The following UBE2Z variants were observed in gnomAD, a reference collection of about 807,000 sequenced individuals.
The protein encoded by UBE2Z is ubiquitin conjugating enzyme E2 Z.
In UBE2Z, 10 loss-of-function variants were observed where a neutral mutation model predicts 32.6. The observed-to-expected ratio is 0.31, with a 90% CI of 0.19 to 0.52. UBE2Z has a LOEUF of 0.52. UBE2Z is among the 20% of genes least tolerant of loss of function. The probability of loss-of-function intolerance (pLI) is 0.97; values close to 1 mark genes in which losing one functional copy is unlikely to be tolerated. For missense variants in UBE2Z, 343 were observed against 480.9 expected, an observed-to-expected ratio of 0.71 and a Z score of 2.68; for synonymous variants, 183 against 190.8, an observed-to-expected ratio of 0.96 and a Z score of 0.34.
chr17:48,911,396 A>G (rs1474650992), intron 2 of UBE2Z: 1 of 156,450 alleles, frequency 6.4e-6, no homozygotes, highest in Non-Finnish European at 1.4e-5. Context: ...CAAAGACTAT[A>G]CCTCTCTTGT....
Position 48,927,168 on chromosome 17 carries a change from A to G in UBE2Z, c.*34A>G. ...CCCATCTCCCCTTCCCCCACTCAAG[A>G]GTCCCAGCAGAATCCCTTCCCCCCA... On this transcript the variant is annotated 3_prime_UTR_variant, in exon 7 of 7. Coordinates refer to ENST00000360943, the MANE Select transcript of UBE2Z (RefSeq NM_023079.5). 6.2e-7 allele frequency: 1 copy of G among 1,607,640 alleles called. No individual in the cohort carries two copies.
At chr17:48,916,327 C>G in intron 4 of UBE2Z, 140 bp downstream of exon 4, 2 of 476,526 alleles carry the variant, frequency 4.2e-6, no homozygotes, top group East Asian at 7.7e-5. Flanking sequence ...GCAATCTCAG[C>G]TTACTGCAAC....
chr17:48,915,319 C>CT (rs2040710928), intron 3 of UBE2Z, among the ~76,000 whole-genome samples: 1 of 152,134 alleles, frequency 6.6e-6, no homozygotes, highest in Admixed American at 6.5e-5. Context: ...AGGCAGTCAA[C>CT]TTGAACAAGC....
At chr17:48,918,356 CAG>C (rs2040735149) in intron 4 of UBE2Z, among the ~76,000 whole-genome samples, 1 of 151,970 alleles carries the variant, frequency 6.6e-6, no homozygotes. Context: ...TTTTTTGAGA[CAG>C]AGTCTCACTC....
chr17:48,922,523 CT>C (rs1235878341), intron 5 of UBE2Z, among the ~76,000 whole-genome samples: 1 of 152,066 alleles, frequency 6.6e-6, no homozygotes, highest in African/African-American at 2.4e-5. Flanking sequence ...AGTCCTAGCA[CT>C]TTGGGAGGCC....
intron 2 of UBE2Z, 87 bp downstream of exon 2, chr17:48,910,967 C>T (rs894968807): frequency 3.8e-6 from 4 of 1,061,990 alleles, no homozygotes; most frequent in African/African-American, 1.6e-5. Flanking sequence ...TTCAGCTCAC[C>T]TCTCCGATTA....
At chr17:48,913,307 T>G (rs1467909087) in intron 3 of UBE2Z, among the ~76,000 whole-genome samples, 1 of 152,170 alleles carries the variant, frequency 6.6e-6, no homozygotes, top group East Asian at 1.9e-4. Context: ...ATCTTAGACC[T>G]ACAAAAGAAA....
chr17:48,915,760 G>C, intron 3 of UBE2Z: 1 of 269,544 alleles, frequency 3.7e-6, no homozygotes, highest in South Asian at 4.6e-5. Context: ...AGACAACTTT[G>C]GAGCTAATTG....
intron 1 of UBE2Z, among the ~76,000 whole-genome samples, chr17:48,909,390 C>T (rs955242454): frequency 2.0e-5 from 3 of 152,046 alleles, no homozygotes; most frequent in Non-Finnish European, 2.9e-5. Flanking sequence ...TCGCTTCCCT[C>T]GCCCCAATCT....
intron 4 of UBE2Z, among the ~76,000 whole-genome samples, chr17:48,918,105 T>G (rs562049464): frequency 6.7e-6 from 1 of 149,436 alleles, no homozygotes; most frequent in East Asian, 2.0e-4. Context: ...CCTGGCTAAT[T>G]TTTTGTATTT....
At position 48,910,870 on chromosome 17, in the gene UBE2Z, A is replaced by G; in HGVS notation, c.380A>G (p.Asp127Gly). The part of the protein sequence containing the change: ...PGMFVVPDTV[D>G]MTKIHALITG... ...ATGTTCGTTGTACCTGATACTGTTG[A>G]CATGACTAAGGTATGTAACTTGATG... Residue 127 changes from aspartate (D) to glycine (G), a missense_variant, in exon 2 of 7, where the codon GAC (aspartate) becomes GGC (glycine). This residue lies in a region of UBE2Z where 182 missense variants were observed against 312.4 expected (regional missense o/e 0.58). Coordinates refer to ENST00000360943, the MANE Select transcript of UBE2Z (RefSeq NM_023079.5). 1.9e-6 allele frequency: 3 copies of G among 1,613,464 alleles called. No homozygotes were observed. Among genetic ancestry groups the G allele is most frequent in the Non-Finnish European group, 2.5e-6 (3 of 1,179,562 alleles).
At chr17:48,926,625 G>A (rs1256417115) in intron 6 of UBE2Z, among the ~76,000 whole-genome samples, 1 of 152,010 alleles carries the variant, frequency 6.6e-6, no homozygotes, top group African/African-American at 2.4e-5. Context: ...GGGATTACAG[G>A]CATGCGCCAC....
intron 4 of UBE2Z, among the ~76,000 whole-genome samples, chr17:48,917,139 T>C (rs890705170): frequency 7.2e-5 from 11 of 152,120 alleles, no homozygotes; most frequent in Middle Eastern, 3.4e-3. Context: ...ACCCAGTCTG[T>C]ACTAAAAATA....
At position 48,908,509 on chromosome 17, in the gene UBE2Z, G is replaced by A. The variant is rs1261367031; in HGVS notation, c.6G>A (p.Ala2=). 4.0e-6 allele frequency: 5 copies of A among 1,235,200 alleles called. No individual in the cohort carries two copies. The highest frequency in any genetic ancestry group is 4.0e-6 in the Non-Finnish European group (4 of 988,528). The allele number at this position is 1,235,200 out of a possible 1,614,324, so 76.5% of individuals were successfully genotyped here. The change falls in exon 1 of 7, where the codon GCG becomes GCA. Residue 2 remains alanine (A), a synonymous_variant. Transcript: ENST00000360943. M[A]ESPTEEAATA... is the part of the protein sequence containing the mutation. ...GTCCCGGAAGCGAAGCAGCGATGGC[G>A]GAGAGTCCGACTGAGGAGGCGGCAA...
At chr17:48,922,517 C>T (rs1335544937) in intron 5 of UBE2Z, among the ~76,000 whole-genome samples, 4 of 152,152 alleles carry the variant, frequency 2.6e-5, no homozygotes. Context: ...GCCTGTAGTC[C>T]TAGCACTTTG....
chr17:48,913,568 T>C (rs1201192542), intron 3 of UBE2Z, among the ~76,000 whole-genome samples: 1 of 152,188 alleles, frequency 6.6e-6, no homozygotes, highest in African/African-American at 2.4e-5. Flanking sequence ...TTGGCCAGGA[T>C]GGTCTCGATC....
chr17:48,921,720 T>C (rs1019761862), intron 5 of UBE2Z, among the ~76,000 whole-genome samples: 1 of 151,932 alleles, frequency 6.6e-6, no homozygotes, highest in African/African-American at 2.4e-5. Context: ...AAGTCATGAG[T>C]TGAAGTTGGG....
intron 3 of UBE2Z, among the ~76,000 whole-genome samples, chr17:48,913,377 AC>A (rs1348849917): frequency 6.6e-6 from 1 of 152,120 alleles, no homozygotes; most frequent in East Asian, 1.9e-4. Flanking sequence ...TTGTTTTGAG[AC>A]GGAGTCTTGC....
chr17:48,919,235 C>T (rs1187804375), intron 4 of UBE2Z, among the ~76,000 whole-genome samples: 7 of 152,082 alleles, frequency 4.6e-5, no homozygotes, highest in East Asian at 3.9e-4. Context: ...CCACCTGCCT[C>T]GGCCTCCCAA....
Sources: gnomAD v4.1 joint callset for allele counts (sites outside exome capture counted in the v4.1 genomes callset) on GRCh38, gnomAD v4.1.1 for gene constraint, gnomAD v4.1.1 regional missense constraint, MANE v1.5 for transcripts, NCBI Gene and HGNC (gene_info 2026-07-23, HGNC 2026-07-21) for gene names.